Variants in KCNC3 observed in about 807,000 individuals in gnomAD.
KCNC3 encodes the protein potassium voltage-gated channel subfamily C member 3.
Under a neutral mutation model 43.9 loss-of-function variants are expected in KCNC3, and 22 were observed. The ratio of observed to expected loss-of-function variants is 0.50; its 90% CI spans 0.36 to 0.72. The LOEUF is 0.72. Among genes scored for constraint, KCNC3 ranks in the 30% least tolerant of loss-of-function variants. The probability of loss-of-function intolerance (pLI) is 0.00; values close to 1 mark genes in which losing one functional copy is unlikely to be tolerated. For synonymous variants in KCNC3, 492 were observed against 488.0 expected (o/e 1.01, Z -0.11); for missense variants, 829 against 1,073.8 (o/e 0.77, Z 3.19).
chr19:50,320,364 A>G lies in KCNC3; in HGVS notation c.2171-15T>C. 7.1e-6 allele frequency: 2 copies of G among 282,754 alleles called. No homozygotes were observed. Among genetic ancestry groups the G allele is most frequent in the African/African-American group, 3.8e-5 (1 of 26,540 alleles). The allele number at this position is 282,754 out of a possible 1,614,324, so 17.5% of individuals were successfully genotyped here. On this transcript the variant is annotated splice_polypyrimidine_tract_variant and intron_variant, in intron 3 of 4. Transcript: ENST00000477616. The stretch of plus-strand genomic sequence containing the variant: ...AGCACCAGTGGCTGGGGGTGGGGGA[A>G]GAGGCCAGAGAGTTGGGGGGAATGG...
rs1392126096 is a variant in KCNC3, at chr19:50,324,260, A to G, written c.871-178T>C. Among the ~76,000 whole-genome samples the G allele has an allele frequency of 1.3e-5, 2 of 152,150 alleles. No homozygotes were observed. The highest frequency in any genetic ancestry group is 3.9e-4 in the East Asian group (2 of 5,180). ...CTTCCAGAATCCCATTCTCCCCTCT[A>G]AAGCTAGCAAAAAGGGAGAGAAAGG... On this transcript the variant is annotated intron_variant, in intron 1 of 4. Transcript: ENST00000477616. The surrounding 1 kb of genome is among the most constrained non-coding windows in gnomAD (Gnocchi z 4.1).
At chr19:50,320,855 G>T in intron 2 of KCNC3, 71 bp from the exon 3 acceptor site, 1 of 1,456,430 alleles carries the variant, frequency 6.9e-7, no homozygotes, top group South Asian at 1.2e-5. Flanking sequence ...GGTGGGGCAA[G>T]ATGTCTGCGA....
At chr19:50,319,071 G>A (rs970442902) in intron 4 of KCNC3, among the ~76,000 whole-genome samples, 2 of 151,700 alleles carry the variant, frequency 1.3e-5, no homozygotes, top group Non-Finnish European at 2.9e-5. Flanking sequence ...AAAGGAGCTA[G>A]GAGTTGGCTT....
chr19:50,320,148 T>C, intron 4 of KCNC3, 75 bp downstream of exon 4: 1 of 210,742 alleles, frequency 4.7e-6, no homozygotes, highest in Non-Finnish European at 8.5e-6. Context: ...GGGGGCTGCA[T>C]GTTCTCAGAA....
rs2036908854 is a variant in KCNC3 at position 50,313,692 on chromosome 19, G to A, written c.*2423C>T. On this transcript the variant is annotated 3_prime_UTR_variant, in exon 5 of 5. Coordinates refer to ENST00000477616, the MANE Select transcript of KCNC3 (RefSeq NM_004977.3). ...CTGGACAAGTCTGTTAGGGCTTTGG[G>A]GATATGGGTGCGGAACAGGCCTGAG... 6.6e-6 allele frequency: 1 copy of A among 152,222 alleles called. No homozygotes were observed. Among genetic ancestry groups the A allele is most frequent in the South Asian group, 2.1e-4 (1 of 4,826 alleles). The allele number at this position is 152,222 out of a possible 1,614,324, so 9.4% of individuals were successfully genotyped here. A position where few individuals can be genotyped will look rare whatever the true frequency, so the allele number is the denominator to read the frequency against.
At position 50,328,310 on chromosome 19, in the gene KCNC3, G is replaced by A. The variant is rs2037131622; in HGVS notation, c.773C>T (p.Pro258Leu). 2 of 1,143,018 alleles carry A rather than the reference G, an allele frequency of 1.7e-6. No homozygotes were observed. Among genetic ancestry groups the A allele is most frequent in the East Asian group, 4.5e-5 (1 of 22,196 alleles). 70.8% of individuals were successfully genotyped at this position (1,143,018 alleles called of 1,614,324 possible). ...GCCGCCCGCGCCGCCCGCGCCCCCTGGCGGCCCCCCGGCGCCGCCGCCCGC... is the reference window on the plus strand; with the variant it reads ...GCCGCCCGCGCCGCCCGCGCCCCCTAGCGGCCCCCCGGCGCCGCCGCCCGC... ...QDAGGGAGGP[P>L]GGAGGAGGTW... Residue 258 changes from proline to leucine, a missense_variant, in exon 1 of 5, where the codon CCA becomes CTA. By Grantham distance (98) the Pro-to-Leu change is moderately conservative (BLOSUM62 -3). This residue lies in a region of KCNC3 where 60 missense variants were observed against 56.0 expected (regional missense o/e 1.07). Transcript: ENST00000477616.
At position 50,314,836 on chromosome 19, in the gene KCNC3, A is replaced by T. The variant is rs1383513217; in HGVS notation, c.*1279T>A. 1 of 345,496 alleles carries T rather than the reference A, an allele frequency of 2.9e-6. No individual in the cohort carries two copies. The highest frequency in any genetic ancestry group is 5.6e-6 in the Non-Finnish European group (1 of 177,612). The allele number at this position is 345,496 out of a possible 1,614,324, so 21.4% of individuals were successfully genotyped here. On this transcript the variant is annotated 3_prime_UTR_variant, in exon 5 of 5. Transcript: ENST00000477616. ...TTCCCGGTCACCCCCGAGTCCCCCC[A>T]CAGGGGGGAGGGGAGCGCTAAAGGA...
Position 50,318,737 on chromosome 19 carries a change from C to T in KCNC3, c.*23+1486G>A, listed in dbSNP as rs139412195. Among the ~76,000 whole-genome samples the T allele has an allele frequency of 1.2e-3, 186 of 152,258 alleles. 3 individuals are homozygous for T. Among genetic ancestry groups the T allele is most frequent in the African/African-American group, 4.1e-3 (172 of 41,546 alleles). ...ACTGTAAACCGTGATGGCAGATTCACGCTTTGTTTTATCCCAAATTTGTAG... is the reference window on the plus strand; with the variant it reads ...ACTGTAAACCGTGATGGCAGATTCATGCTTTGTTTTATCCCAAATTTGTAG... On this transcript the variant is annotated intron_variant, in intron 4 of 4. Coordinates refer to ENST00000477616, the MANE Select transcript of KCNC3 (RefSeq NM_004977.3).
At chr19:50,329,945 G>A (rs2037165882), upstream of KCNC3, 1 of 152,628 alleles carries the variant, frequency 6.6e-6, no homozygotes, top group Non-Finnish European at 1.5e-5. Flanking sequence ...GAGTGGTACT[G>A]AGGAAGGTGA....
chr19:50,328,314 GC>G lies in KCNC3; in HGVS notation c.768del (p.Pro257ArgfsTer67), dbSNP rs752105857. ...CCCGCGCCGCCCGCGCCCCCTGGCG[GC>G]CCCCCGGCGCCGCCGCCCGCGTCCT... The part of the protein sequence containing the change: ...CFQDAGGGAG[G>X]PPGGAGGAGG... On this transcript the variant is annotated frameshift_variant, in exon 1 of 5. Transcript: ENST00000477616. LOFTEE classifies it high-confidence loss of function. 1.6e-5 allele frequency: 18 copies of G among 1,128,106 alleles called. No individual in the cohort carries two copies. Among genetic ancestry groups the G allele is most frequent in the Admixed American group, 4.9e-5 (1 of 20,440 alleles). 69.9% of individuals were successfully genotyped at this position (1,128,106 alleles called of 1,614,324 possible).
intron 2 of KCNC3, among the ~76,000 whole-genome samples, chr19:50,322,471 C>T (rs1181134382): frequency 6.6e-6 from 1 of 152,042 alleles, no homozygotes; most frequent in African/African-American, 2.4e-5. Flanking sequence ...TGCCGCTGAC[C>T]GCCCCCACCT....
Position 50,324,797 on chromosome 19 carries a change from T to TG in KCNC3, c.871-716dup, listed in dbSNP as rs1353693214. Among the ~76,000 whole-genome samples the TG allele has an allele frequency of 6.6e-6, 1 of 151,618 alleles. No homozygotes were observed. Among genetic ancestry groups the TG allele is most frequent in the East Asian group, 1.9e-4 (1 of 5,158 alleles). Reference sequence around the variant, plus strand: ...TTAGGGTATGCAGGCAGCAGTTAGTTGGGGGGCAAGGTCAAGGCCTCACCC... The same window carrying TG: ...TTAGGGTATGCAGGCAGCAGTTAGTTGGGGGGGCAAGGTCAAGGCCTCACCC... On this transcript the variant is annotated intron_variant, in intron 1 of 4. Transcript: ENST00000477616. This position sits in a 1 kb window ranked among gnomAD's most constrained non-coding sequence, Gnocchi z 4.1.
At chr19:50,332,946 C>T (rs1183996225), upstream of KCNC3, among the ~76,000 whole-genome samples, 1 of 152,168 alleles carries the variant, frequency 6.6e-6, no homozygotes, top group Non-Finnish European at 1.5e-5. The surrounding 1 kb of genome is among the most constrained non-coding windows in gnomAD (Gnocchi z 5.8). Context: ...CCATTCCCAC[C>T]CGGTTCCATT....
intron 4 of KCNC3, among the ~76,000 whole-genome samples, chr19:50,318,991 C>CAAAAAAAAAAAAAAAA (rs11326559): frequency 2.8e-5 from 2 of 71,456 alleles, no homozygotes; most frequent in Non-Finnish European, 4.8e-5. Flanking sequence ...AAGACAGTCT[C>CAAAAAAAAAAAAAAAA]AAAAAAAAAA....
At chr19:50,316,918 A>C (rs749373589) in intron 4 of KCNC3, among the ~76,000 whole-genome samples, 12 of 152,112 alleles carry the variant, frequency 7.9e-5, no homozygotes, top group Middle Eastern at 3.4e-3. Flanking sequence ...CAGGGATAGA[A>C]GCTTCAGCCA....
At chr19:50,321,778 A>G (rs2037037114) in intron 2 of KCNC3, among the ~76,000 whole-genome samples, 1 of 150,102 alleles carries the variant, frequency 6.7e-6, no homozygotes, top group Non-Finnish European at 1.5e-5. Flanking sequence ...TTGGAATAAG[A>G]AAAAAAAAAG....
chr19:50,325,381 CCA>C, intron 1 of KCNC3, among the ~76,000 whole-genome samples: 1 of 152,170 alleles, frequency 6.6e-6, no homozygotes, highest in South Asian at 2.1e-4. Flanking sequence ...CACTGCTGGA[CCA>C]CAGAGAGGAC....
Position 50,323,825 on chromosome 19 carries a change from A to C in KCNC3, c.1128T>G (p.Phe376Leu). 1 of 1,614,162 alleles carries C rather than the reference A, an allele frequency of 6.2e-7. No homozygotes were observed. The highest frequency in any genetic ancestry group is 8.5e-7 in the Non-Finnish European group (1 of 1,180,034). Reference protein sequence around the residue: ...RITFCPDKVEFLKSSLNIIDC... With the variant: ...RITFCPDKVELLKSSLNIIDC... ...CGATGATGTTGAGGCTGCTTTTAAG[A>C]AACTCCACCTTGTCTGGGCAGAAGG... Residue 376 changes from phenylalanine (F) to leucine (L), a missense_variant, in exon 2 of 5, where the codon TTT becomes TTG. By Grantham distance (22) the Phe-to-Leu change is conservative. This residue lies in a region of KCNC3 where 157 missense variants were observed against 293.5 expected (regional missense o/e 0.53). Transcript: ENST00000477616.
rs1218924290 is a variant in KCNC3 at position 50,324,174 on chromosome 19, C to T, written c.871-92G>A. 7.5e-7 allele frequency: 1 copy of T among 1,338,216 alleles called. No homozygotes were observed. The highest frequency in any genetic ancestry group is 1.5e-5 in the African/African-American group (1 of 67,810). 82.9% of individuals were successfully genotyped at this position (1,338,216 alleles called of 1,614,324 possible). ...GAAGACCCTTCCAGTGCCCCCTTCC[C>T]CAGCCTCCTGGGCCCAAACTCTGGG... On this transcript the variant is annotated intron_variant, in intron 1 of 4. Transcript: ENST00000477616. This position sits in a 1 kb window ranked among gnomAD's most constrained non-coding sequence, Gnocchi z 4.1.
Sources: allele counts gnomAD v4.1 joint callset (sites outside exome capture counted in the v4.1 genomes callset), GRCh38; gene constraint gnomAD v4.1.1; regional missense constraint gnomAD v4.1.1; non-coding constraint Gnocchi (gnomAD v3.1); transcripts MANE v1.5; gene names NCBI Gene and HGNC (gene_info 2026-07-23, HGNC 2026-07-21).